The following SLCO4C1 variants were observed in gnomAD, a reference collection of about 807,000 sequenced individuals.
SLCO4C1 encodes the protein solute carrier organic anion transporter family member 4C1, also known as organic anion transporter M1.
In SLCO4C1, 58 loss-of-function variants were observed where a neutral mutation model predicts 72.1. That is an observed-to-expected ratio of 0.80 (90% CI 0.65 to 1.00). The LOEUF (loss-of-function observed/expected upper bound fraction) is 1.00. Ranked by LOEUF, SLCO4C1 falls within the 50% of genes least tolerant of loss-of-function variation. The pLI is 0.00. For synonymous variants in SLCO4C1, 297 were observed against 312.5 expected, an observed-to-expected ratio of 0.95 and a Z score of 0.52; for missense variants, 898 against 857.9, an observed-to-expected ratio of 1.05 and a Z score of -0.58.
chr5:102,236,607 T>TGTTC lies in SLCO4C1; in HGVS notation c.*250_*251insGAAC, dbSNP rs1561362748. ...GTGTGTGTGTGTGTGTGTGTGTTCGTGTGTGTGTGTGTGTGTGTGCTCGTG... is the reference window on the plus strand; with the variant it reads ...GTGTGTGTGTGTGTGTGTGTGTTCGTGTTCGTGTGTGTGTGTGTGTGTGCTCGTG... On this transcript the variant is annotated 3_prime_UTR_variant, in exon 13 of 13. Transcript: ENST00000310954. 3.5e-3 allele frequency: 561 copies of TGTTC among 160,974 alleles called. 6 individuals are homozygous for TGTTC. Among genetic ancestry groups the TGTTC allele is most frequent in the African/African-American group, 0.021 (523 of 24,452 alleles). 10.0% of individuals were successfully genotyped at this position (160,974 alleles called of 1,614,324 possible). A position where few individuals can be genotyped will look rare whatever the true frequency, so the allele number is the denominator to read the frequency against.
At chr5:102,261,211 G>T (rs959910458) in intron 5 of SLCO4C1, among the ~76,000 whole-genome samples, 4 of 152,102 alleles carry the variant, frequency 2.6e-5, no homozygotes, top group Non-Finnish European at 5.9e-5. Flanking sequence ...TCAGGAGTTC[G>T]AGACCAGCCT....
At chr5:102,254,149 C>A (rs560480548) in intron 8 of SLCO4C1, among the ~76,000 whole-genome samples, 5 of 152,224 alleles carry the variant, frequency 3.3e-5, no homozygotes, top group African/African-American at 7.2e-5. Context: ...ATCCTCAGAA[C>A]CTCTTCTGTC....
intron 1 of SLCO4C1, among the ~76,000 whole-genome samples, chr5:102,294,109 G>A (rs982975370): frequency 6.6e-6 from 1 of 151,982 alleles, no homozygotes; most frequent in Non-Finnish European, 1.5e-5. Flanking sequence ...GGGTTTCACC[G>A]TGTTGGCCAG....
In SLCO4C1 at chr5:102,236,662, G is replaced by T; in HGVS notation, c.*196C>A. The T allele has an allele frequency of 2.1e-6, 1 of 474,464 alleles. No homozygotes were observed. The allele number at this position is 474,464 out of a possible 1,614,324, so 29.4% of individuals were successfully genotyped here. On this transcript the variant is annotated 3_prime_UTR_variant, in exon 13 of 13. Transcript: ENST00000310954. ...TGTGTGCTGTGTTTTGAGGCTTTAC[G>T]TGGGCTTTGAAGGCACAGGTCTGTT... is the stretch of plus-strand genomic sequence containing the variant.
chr5:102,284,919 T>A (rs1749422598), intron 2 of SLCO4C1, among the ~76,000 whole-genome samples: 1 of 152,200 alleles, frequency 6.6e-6, no homozygotes, highest in African/African-American at 2.4e-5. Flanking sequence ...CAAAACTGGC[T>A]GCATTAGAGC....
At chr5:102,249,912 A>C in intron 8 of SLCO4C1, 124 bp from the exon 9 acceptor site, 1 of 949,154 alleles carries the variant, frequency 1.1e-6, no homozygotes, top group Non-Finnish European at 1.6e-6. Flanking sequence ...ATTACTAAAC[A>C]AATAAAACGT....
intron 2 of SLCO4C1, among the ~76,000 whole-genome samples, chr5:102,283,781 A>C (rs943178809): frequency 2.0e-5 from 3 of 152,054 alleles, no homozygotes; most frequent in Non-Finnish European, 4.4e-5. Flanking sequence ...GTCCTTCCAC[A>C]GAAGACAGTA....
intron 3 of SLCO4C1, among the ~76,000 whole-genome samples, chr5:102,265,779 T>C (rs1344980483): frequency 6.6e-6 from 1 of 152,060 alleles, no homozygotes; most frequent in Non-Finnish European, 1.5e-5. Context: ...CTCAGGATTG[T>C]TTTGGCTATT....
chr5:102,282,332 T>G (rs1213258184), intron 2 of SLCO4C1, among the ~76,000 whole-genome samples: 1 of 151,998 alleles, frequency 6.6e-6, no homozygotes, highest in Admixed American at 6.6e-5. Flanking sequence ...ACATATTTTA[T>G]TAACTGTATT....
At chr5:102,245,901 A>G (rs1474480165) in intron 10 of SLCO4C1, among the ~76,000 whole-genome samples, 1 of 152,162 alleles carries the variant, frequency 6.6e-6, no homozygotes, top group East Asian at 1.9e-4. Context: ...TGGAAACTAT[A>G]CAAATATATA....
chr5:102,237,122 T>A, intron 12 of SLCO4C1, 104 bp from the exon 13 acceptor site: 1 of 1,141,988 alleles, frequency 8.8e-7, no homozygotes, highest in Non-Finnish European at 1.2e-6. Context: ...AGAGAATAAT[T>A]ACATAACCAT....
chr5:102,288,074 T>C (rs1473466832), intron 2 of SLCO4C1, among the ~76,000 whole-genome samples: 1 of 152,116 alleles, frequency 6.6e-6, no homozygotes, highest in African/African-American at 2.4e-5. Flanking sequence ...GTAACTAATA[T>C]ATCCCTTCCT....
At chr5:102,280,172 T>A (rs569479406) in intron 2 of SLCO4C1, among the ~76,000 whole-genome samples, 2 of 149,192 alleles carry the variant, frequency 1.3e-5, no homozygotes, top group South Asian at 4.2e-4. Context: ...ACTGTTCCTA[T>A]GTGCAGAAAA....
At chr5:102,251,781 C>T (rs772447356) in intron 8 of SLCO4C1, among the ~76,000 whole-genome samples, 8 of 152,098 alleles carry the variant, frequency 5.3e-5, no homozygotes, top group African/African-American at 1.4e-4. Flanking sequence ...GCTGAAACCA[C>T]GAACATTTAT....
chr5:102,253,764 C>T (rs1366628102), intron 8 of SLCO4C1, among the ~76,000 whole-genome samples: 1 of 151,200 alleles, frequency 6.6e-6, no homozygotes, highest in African/African-American at 2.4e-5. Context: ...GAGATCGTGC[C>T]ACTACACTCC....
chr5:102,234,362 T>C lies in SLCO4C1; in HGVS notation c.*2496A>G, dbSNP rs949880569. 5 of 152,750 alleles carry C rather than the reference T, an allele frequency of 3.3e-5. No individual in the cohort carries two copies. Among genetic ancestry groups the C allele is most frequent in the African/African-American group, 1.2e-4 (5 of 41,578 alleles). The allele number at this position is 152,750 out of a possible 1,614,324, so 9.5% of individuals were successfully genotyped here. ...AAAAAATAATGATTATAAATTATGGTAGTGTCTGTAAAACCCTGTTATAAA... is the reference window on the plus strand; with the variant it reads ...AAAAAATAATGATTATAAATTATGGCAGTGTCTGTAAAACCCTGTTATAAA... On this transcript the variant is annotated 3_prime_UTR_variant, in exon 13 of 13. Transcript: ENST00000310954.
At chr5:102,262,062 G>A in intron 4 of SLCO4C1, 29 bp from the exon 5 acceptor site, 1 of 1,587,582 alleles carries the variant, frequency 6.3e-7, no homozygotes, top group Non-Finnish European at 8.6e-7. Context: ...AGAGGTAAAA[G>A]TCAACTCTAC....
At chr5:102,288,349 A>T (rs1423792303) in intron 2 of SLCO4C1, among the ~76,000 whole-genome samples, 1 of 152,138 alleles carries the variant, frequency 6.6e-6, no homozygotes, top group Non-Finnish European at 1.5e-5. Flanking sequence ...CAAGCCAAAT[A>T]CCAAGGACTC....
chr5:102,246,830 G>A (rs1233056655), intron 10 of SLCO4C1, among the ~76,000 whole-genome samples: 1 of 152,098 alleles, frequency 6.6e-6, no homozygotes, highest in Non-Finnish European at 1.5e-5. Flanking sequence ...AACAACACAG[G>A]TAATAGCCAG....
Sources: allele counts gnomAD v4.1 joint callset (sites outside exome capture counted in the v4.1 genomes callset), GRCh38; gene constraint gnomAD v4.1.1; transcripts MANE v1.5; gene names NCBI Gene and HGNC (gene_info 2026-07-23, HGNC 2026-07-21).